Variants in ARHGAP42 observed in about 807,000 individuals in gnomAD.
ARHGAP42 encodes the protein rho GTPase-activating protein 42.
ARHGAP42 carries 63 observed loss-of-function variants against 125.0 expected under a neutral mutation model. The ratio of observed to expected loss-of-function variants is 0.50; its 90% confidence interval spans 0.41 to 0.62. The LOEUF is 0.62. Ranked by LOEUF, ARHGAP42 falls within the 20% of genes least tolerant of loss-of-function variation. The pLI, the probability that ARHGAP42 is intolerant of heterozygous loss-of-function variation, is 0.00. For missense variants in ARHGAP42, 766 were observed against 1,024.2 expected (o/e 0.75, Z 3.44); for synonymous variants, 339 against 351.0 (o/e 0.97, Z 0.38).
rs185895333 is a variant in ARHGAP42 at position 100,933,820 on chromosome 11, G to A, written c.702+560G>A. ...TTTTTTTTTTTAAAGATGGAGCTTC[G>A]CTCGTCACCCAGGCTGGAGTGCAAT... On this transcript the variant is annotated intron_variant, in intron 7 of 23. Coordinates refer to ENST00000298815, the MANE Select transcript of ARHGAP42 (RefSeq NM_152432.4). Among the ~76,000 whole-genome samples, 1,302 of 151,388 alleles carry A rather than the reference G, an allele frequency of 8.6e-3. 8 individuals are homozygous for A. Among genetic ancestry groups the A allele is most frequent in the Non-Finnish European group, 0.014 (972 of 67,884 alleles).
intron 3 of ARHGAP42, among the ~76,000 whole-genome samples, chr11:100,838,653 A>G (rs1362098978): frequency 1.3e-5 from 2 of 152,130 alleles, no homozygotes; most frequent in Admixed American, 6.5e-5. Context: ...TGATTGTGCT[A>G]CGATACTTTG....
chr11:100,792,752 C>CTTTTTTTT (rs3063409), intron 2 of ARHGAP42, among the ~76,000 whole-genome samples: 1 of 141,550 alleles, frequency 7.1e-6, no homozygotes, highest in Non-Finnish European at 1.5e-5. Context: ...TTGGAATTTT[C>CTTTTTTTT]TTTTTTTTTT....
intron 1 of ARHGAP42, among the ~76,000 whole-genome samples, chr11:100,735,178 T>G (rs1429397252): frequency 6.6e-6 from 1 of 152,246 alleles, no homozygotes; most frequent in Admixed American, 6.5e-5. Context: ...ATTTCCCATC[T>G]TGCTCTGATT....
rs1488588923 is a variant in ARHGAP42, at chr11:100,936,239, G to C, written c.739G>C (p.Glu247Gln). 1.9e-6 allele frequency: 3 copies of C among 1,551,678 alleles called. No individual in the cohort carries two copies. Among genetic ancestry groups the C allele is most frequent in the Admixed American group, 2.0e-5 (1 of 50,982 alleles). The change falls in exon 8 of 24, where the codon GAG becomes CAG. Residue 247 changes from glutamate (E) to glutamine (Q), a missense_variant. This residue lies in a region of ARHGAP42 where 455 missense variants were observed against 636.5 expected (regional missense o/e 0.71). Coordinates refer to ENST00000298815, the MANE Select transcript of ARHGAP42 (RefSeq NM_152432.4). ...NNFESTRQEV[E>Q]RLMQRMKSAN... Reference sequence around the variant, plus strand: ...TTTTGAAAGTACTCGACAAGAGGTAGAGCGGTTGATGCAAAGGATGAAATC... The same window carrying C: ...TTTTGAAAGTACTCGACAAGAGGTACAGCGGTTGATGCAAAGGATGAAATC...
intron 1 of ARHGAP42, among the ~76,000 whole-genome samples, chr11:100,716,140 T>A (rs1861656706): frequency 6.6e-6 from 1 of 152,226 alleles, no homozygotes; most frequent in African/African-American, 2.4e-5. Context: ...TTTTGAAAGT[T>A]AGCCTAAACT....
At chr11:100,758,062 A>G (rs914011944) in intron 1 of ARHGAP42, among the ~76,000 whole-genome samples, 3 of 152,216 alleles carry the variant, frequency 2.0e-5, no homozygotes, top group South Asian at 4.1e-4. Context: ...AAACACTTTC[A>G]TTTGATCAAA....
At chr11:100,934,340 T>G (rs1440098595) in intron 7 of ARHGAP42, among the ~76,000 whole-genome samples, 1 of 152,036 alleles carries the variant, frequency 6.6e-6, no homozygotes, top group East Asian at 1.9e-4. Flanking sequence ...TGCCACCCTC[T>G]GAACCTTGTT....
intron 3 of ARHGAP42, among the ~76,000 whole-genome samples, chr11:100,815,546 TA>T (rs1864248635): frequency 6.6e-6 from 1 of 152,200 alleles, no homozygotes; most frequent in Non-Finnish European, 1.5e-5. Flanking sequence ...GATGTGCAGA[TA>T]TGTTTCTTCT....
intron 1 of ARHGAP42, among the ~76,000 whole-genome samples, chr11:100,711,959 C>CT (rs1238849204): frequency 6.6e-6 from 1 of 152,192 alleles, no homozygotes; most frequent in African/African-American, 2.4e-5. Context: ...TACTGAGACT[C>CT]TAACTTTCAT....
intron 1 of ARHGAP42, among the ~76,000 whole-genome samples, chr11:100,748,372 ATCACCCGACTG>A (rs1862355350): frequency 6.7e-6 from 1 of 149,926 alleles, no homozygotes; most frequent in South Asian, 2.1e-4. Flanking sequence ...TTTTCCCTCA[ATCACCCGACTG>A]TCCTGAAGGG....
At chr11:100,959,202 C>A (rs1391835627) in intron 12 of ARHGAP42, among the ~76,000 whole-genome samples, 4 of 151,826 alleles carry the variant, frequency 2.6e-5, no homozygotes, top group African/African-American at 9.7e-5. Context: ...TTTGACCTCG[C>A]CCCAAAACCC....
chr11:100,912,565 T>G (rs1866952549), intron 4 of ARHGAP42, among the ~76,000 whole-genome samples: 1 of 152,144 alleles, frequency 6.6e-6, no homozygotes, highest in Admixed American at 6.5e-5. Context: ...ATGATTGTAG[T>G]TACTTAGTAT....
intron 1 of ARHGAP42, among the ~76,000 whole-genome samples, chr11:100,756,781 AATC>A (rs1395093904): frequency 6.6e-6 from 1 of 152,226 alleles, no homozygotes; most frequent in African/African-American, 2.4e-5. Flanking sequence ...GCTAAATAAA[AATC>A]TTCACTATTC....
At chr11:100,775,379 C>A (rs1863094822) in intron 2 of ARHGAP42, among the ~76,000 whole-genome samples, 1 of 138,032 alleles carries the variant, frequency 7.2e-6, no homozygotes, top group Admixed American at 7.1e-5. Context: ...TAGGGGTAGA[C>A]CAAATACAAA....
chr11:100,926,483 T>C (rs747619511), intron 6 of ARHGAP42, among the ~76,000 whole-genome samples: 1 of 152,242 alleles, frequency 6.6e-6, no homozygotes, highest in Non-Finnish European at 1.5e-5. Flanking sequence ...AGTGTAGTTA[T>C]ATTAATTCCT....
At chr11:100,688,739 A>T (rs1018694335) in intron 1 of ARHGAP42, among the ~76,000 whole-genome samples, 3 of 152,080 alleles carry the variant, frequency 2.0e-5, no homozygotes, top group African/African-American at 4.8e-5. Flanking sequence ...TTATTTATTT[A>T]TGTATTTATT....
chr11:100,926,557 A>G (rs1181912858), intron 6 of ARHGAP42, among the ~76,000 whole-genome samples: 1 of 152,234 alleles, frequency 6.6e-6, no homozygotes, highest in Non-Finnish European at 1.5e-5. Context: ...TAATAGCTTA[A>G]CGAGTTGGAA....
chr11:100,825,431 T>C (rs545345859), intron 3 of ARHGAP42, among the ~76,000 whole-genome samples: 1 of 152,330 alleles, frequency 6.6e-6, no homozygotes, highest in Non-Finnish European at 1.5e-5. Flanking sequence ...AAACCTTTAA[T>C]GGCATTAAAT....
At chr11:100,715,244 C>T (rs760143644) in intron 1 of ARHGAP42, among the ~76,000 whole-genome samples, 1 of 152,042 alleles carries the variant, frequency 6.6e-6, no homozygotes, top group Non-Finnish European at 1.5e-5. Context: ...TGAGGGAGAT[C>T]TCCCTACGCA....
Sources: gnomAD v4.1 joint callset for allele counts (sites outside exome capture counted in the v4.1 genomes callset) on GRCh38, gnomAD v4.1.1 for gene constraint, gnomAD v4.1.1 regional missense constraint, MANE v1.5 for transcripts, NCBI Gene and HGNC (gene_info 2026-07-23, HGNC 2026-07-21) for gene names.